Variants in ERC2 observed in about 807,000 individuals in gnomAD.
ERC2 encodes ERC protein 2.
Under a neutral mutation model 114.8 loss-of-function variants are expected in ERC2, and 42 were observed. That is an observed-to-expected ratio of 0.37 (90% CI 0.29 to 0.47). The LOEUF (loss-of-function observed/expected upper bound fraction) is 0.47. ERC2 is among the 20% of genes least tolerant of loss of function. ERC2 has a pLI of 0.99. For missense variants in ERC2, 939 were observed against 1,150.7 expected (o/e 0.82, Z 2.66); for synonymous variants, 454 against 425.5 (o/e 1.07, Z -0.82).
chr3:55,791,441 T>A (rs2070014166), intron 14 of ERC2, among the ~76,000 whole-genome samples: 2 of 152,186 alleles, frequency 1.3e-5, no homozygotes, highest in South Asian at 4.1e-4. Context: ...TGTAATGAAC[T>A]ATATTAAATA....
At chr3:56,207,884 A>G (rs2123182) in intron 3 of ERC2, among the ~76,000 whole-genome samples, 75,847 of 151,906 alleles carry the variant, frequency 0.5, 19,315 homozygotes, top group East Asian at 0.73. Context: ...TGCACACTTC[A>G]GGAGTCTAGA....
intron 14 of ERC2, among the ~76,000 whole-genome samples, chr3:55,864,891 C>T (rs2062229992): frequency 1.3e-5 from 2 of 152,090 alleles, no homozygotes; most frequent in Admixed American, 1.3e-4. Flanking sequence ...ACCATCACCG[C>T]CATAATCATT....
At chr3:55,955,730 T>C (rs1468736072) in intron 12 of ERC2, among the ~76,000 whole-genome samples, 1 of 152,234 alleles carries the variant, frequency 6.6e-6, no homozygotes, top group Non-Finnish European at 1.5e-5. Flanking sequence ...TGTGGATATA[T>C]GCATTCATTT....
intron 7 of ERC2, among the ~76,000 whole-genome samples, chr3:56,032,917 A>AAGAAAGAAAGAAAGAGAGAGAGAGAGAC (rs2074483095): frequency 2.6e-5 from 2 of 76,040 alleles, no homozygotes; most frequent in African/African-American, 4.1e-5. Flanking sequence ...GAAAGAAAGA[A>AAGAAAGAAAGAAAGAGAGAGAGAGAGAC]AGAAAGAAAG....
intron 2 of ERC2, among the ~76,000 whole-genome samples, chr3:56,316,709 T>C (rs1388632711): frequency 6.6e-6 from 1 of 152,242 alleles, no homozygotes; most frequent in Admixed American, 6.5e-5. Context: ...GGAAATCTCT[T>C]TAAAGATTAT....
chr3:55,528,943 A>G (rs2053504812), intron 17 of ERC2, among the ~76,000 whole-genome samples: 1 of 152,182 alleles, frequency 6.6e-6, no homozygotes, highest in Non-Finnish European at 1.5e-5. Flanking sequence ...TTAGATCTTA[A>G]TTTCCACATC....
chr3:55,790,867 G>C (rs1272024645), intron 14 of ERC2, among the ~76,000 whole-genome samples: 2 of 152,160 alleles, frequency 1.3e-5, no homozygotes, highest in Non-Finnish European at 2.9e-5. Context: ...CCTGGTTTTC[G>C]ACTCAAAGGC....
chr3:55,633,942 C>T (rs1391947014), intron 17 of ERC2, among the ~76,000 whole-genome samples: 1 of 152,184 alleles, frequency 6.6e-6, no homozygotes, highest in African/African-American at 2.4e-5. Flanking sequence ...ACATATTCTG[C>T]CCACCTCCCA....
chr3:55,658,591 A>C (rs533773161), intron 17 of ERC2: 31 of 152,900 alleles, frequency 2.0e-4, no homozygotes, highest in African/African-American at 6.7e-4. Flanking sequence ...AAAGATAGGG[A>C]GACAGACACT....
At chr3:56,465,638 T>C (rs2063509827) in intron 1 of ERC2, among the ~76,000 whole-genome samples, 1 of 152,216 alleles carries the variant, frequency 6.6e-6, no homozygotes, top group African/African-American at 2.4e-5. Context: ...AGTGTGAATT[T>C]TGTTTTGTTT....
At chr3:55,814,680 G>A (rs2059845049) in intron 14 of ERC2, among the ~76,000 whole-genome samples, 1 of 152,136 alleles carries the variant, frequency 6.6e-6, no homozygotes, top group South Asian at 2.1e-4. Context: ...GTAAATGTGG[G>A]CTATTTATTT....
intron 3 of ERC2, among the ~76,000 whole-genome samples, chr3:56,259,213 C>G (rs2052742582): frequency 6.6e-6 from 1 of 152,014 alleles, no homozygotes. Context: ...CTCAGGTGAT[C>G]CACCCACCGC....
chr3:55,934,845 AC>A lies in ERC2; in HGVS notation c.2403+15579del, dbSNP rs777815458. 3.9e-5 allele frequency among the ~76,000 whole-genome samples: 6 copies of A among 152,336 alleles called. No individual in the cohort carries two copies. In the East Asian group the frequency reaches 9.6e-4, roughly 24 times the overall value. Reference sequence around the variant, plus strand: ...GAAGGAGCCATTTGAAAAGTTCAAAACCCAATCAGTATATTATTTATATGAT... The same window carrying A: ...GAAGGAGCCATTTGAAAAGTTCAAAACCAATCAGTATATTATTTATATGAT... On this transcript the variant is annotated intron_variant, in intron 13 of 17. Transcript: ENST00000288221.
intron 16 of ERC2, among the ~76,000 whole-genome samples, chr3:55,697,180 T>G (rs912869514): frequency 6.6e-6 from 1 of 152,162 alleles, no homozygotes; most frequent in Non-Finnish European, 1.5e-5. Flanking sequence ...AAGTGCCACA[T>G]AGTGGCTGCC....
At chr3:56,218,830 T>C (rs966073877) in intron 3 of ERC2, among the ~76,000 whole-genome samples, 10 of 152,260 alleles carry the variant, frequency 6.6e-5, no homozygotes, top group African/African-American at 2.4e-4. Context: ...TGAGTTCATG[T>C]CCTTTGTAGG....
chr3:55,980,691 G>A lies in ERC2; in HGVS notation c.2267+5286C>T, dbSNP rs538063133. 2.6e-5 allele frequency among the ~76,000 whole-genome samples: 4 copies of A among 151,752 alleles called. No individual in the cohort carries two copies. The South Asian group carries it at 8.3e-4, about 32-fold the overall frequency. On this transcript the variant is annotated intron_variant, in intron 12 of 17. Transcript: ENST00000288221. Reference sequence around the variant, plus strand: ...CTATTTGCTGATATTCATCCATATGGTAGTACCAACCAAAAGCCAAGAGGA... The same window carrying A: ...CTATTTGCTGATATTCATCCATATGATAGTACCAACCAAAAGCCAAGAGGA...
intron 14 of ERC2, among the ~76,000 whole-genome samples, chr3:55,757,419 A>G (rs1200106581): frequency 2.0e-5 from 3 of 152,180 alleles, no homozygotes; most frequent in Non-Finnish European, 2.9e-5. Flanking sequence ...TGATTTGATC[A>G]GTGCTAAATC....
At chr3:55,657,315 A>G (rs1243548412) in intron 17 of ERC2, 3 of 151,068 alleles carry the variant, frequency 2.0e-5, no homozygotes, top group African/African-American at 7.3e-5. Context: ...GATCTATTCC[A>G]TTTTGCTTTC....
chr3:56,320,027 G>T (rs767349915), intron 2 of ERC2, among the ~76,000 whole-genome samples: 1 of 152,180 alleles, frequency 6.6e-6, no homozygotes, highest in Non-Finnish European at 1.5e-5. Context: ...TACCAAAAAA[G>T]CTTATCTGAG....
Sources: gnomAD v4.1 joint callset for allele counts (sites outside exome capture counted in the v4.1 genomes callset) on GRCh38, gnomAD v4.1.1 for gene constraint, MANE v1.5 for transcripts, NCBI Gene and HGNC (gene_info 2026-07-23, HGNC 2026-07-21) for gene names.